Variants in COX10 observed in about 807,000 individuals in gnomAD.
COX10 encodes the protein protoheme IX farnesyltransferase, mitochondrial.
COX10 carries 27 observed loss-of-function variants against 37.3 expected under a neutral mutation model. That is an observed-to-expected ratio of 0.72 (90% CI 0.53 to 1.00). The LOEUF is 1.00. Ranked by LOEUF, COX10 falls within the 50% of genes least tolerant of loss-of-function variation. COX10 has a pLI of 0.00. For missense variants in COX10, 475 were observed against 563.2 expected, an observed-to-expected ratio of 0.84 and a Z score of 1.59; for synonymous variants, 222 against 229.1, an observed-to-expected ratio of 0.97 and a Z score of 0.28.
rs532498907 is a variant in COX10, at chr17:14,089,105, G to C, written c.499+12049G>C. On this transcript the variant is annotated intron_variant, in intron 3 of 6. Coordinates refer to ENST00000261643, the MANE Select transcript of COX10 (RefSeq NM_001303.4). ...GCCCAAATATCTTAAATTCAGCCTAGTCAACTCTGCCAGTAGCCAACTTCT... is the reference window on the plus strand; with the variant it reads ...GCCCAAATATCTTAAATTCAGCCTACTCAACTCTGCCAGTAGCCAACTTCT... 2.6e-5 allele frequency among the ~76,000 whole-genome samples: 4 copies of C among 152,260 alleles called. No homozygotes were observed. In the South Asian group the frequency reaches 8.3e-4, roughly 32 times the overall value.
At chr17:14,174,363 G>T (rs1175331667) in intron 5 of COX10, among the ~76,000 whole-genome samples, 1 of 151,358 alleles carries the variant, frequency 6.6e-6, no homozygotes, top group African/African-American at 2.4e-5. Flanking sequence ...GGAGGCTGAG[G>T]AGGGAGGATC....
intron 1 of COX10, among the ~76,000 whole-genome samples, chr17:14,071,629 A>G (rs1020660679): frequency 2.0e-5 from 3 of 151,620 alleles, no homozygotes; most frequent in African/African-American, 4.9e-5. Context: ...TACACCTGTA[A>G]TCCCAGAACT....
At chr17:14,137,616 C>T (rs1006265942) in intron 4 of COX10, among the ~76,000 whole-genome samples, 1 of 151,806 alleles carries the variant, frequency 6.6e-6, no homozygotes, top group Non-Finnish European at 1.5e-5. Flanking sequence ...ATATTTAATG[C>T]TTTCATACAC....
chr17:14,122,524 AT>A (rs201532405), intron 4 of COX10, among the ~76,000 whole-genome samples: 1 of 151,752 alleles, frequency 6.6e-6, no homozygotes, highest in East Asian at 1.9e-4. Flanking sequence ...CTGGTGAGAG[AT>A]TTTTTTTTCT....
At chr17:14,081,734 A>G (rs1213441323) in intron 3 of COX10, among the ~76,000 whole-genome samples, 1 of 152,228 alleles carries the variant, frequency 6.6e-6, no homozygotes, top group Admixed American at 6.5e-5. Flanking sequence ...ATGACATACA[A>G]GTGCCTAGTA....
At chr17:14,187,356 G>T (rs1372238663) in intron 5 of COX10, among the ~76,000 whole-genome samples, 2 of 152,132 alleles carry the variant, frequency 1.3e-5, no homozygotes, top group African/African-American at 4.8e-5. Context: ...AAGTATATTG[G>T]TTGAATTAAT....
chr17:14,175,535 C>T (rs1905659626), intron 5 of COX10, among the ~76,000 whole-genome samples: 1 of 151,548 alleles, frequency 6.6e-6, no homozygotes, highest in East Asian at 2.0e-4. Context: ...CTGCTGTCAT[C>T]ATTGTTACTA....
intron 4 of COX10, among the ~76,000 whole-genome samples, chr17:14,154,599 G>A (rs1254733769): frequency 6.6e-6 from 1 of 152,174 alleles, no homozygotes; most frequent in Admixed American, 6.5e-5. Flanking sequence ...TTTGAACTTA[G>A]TTTTAAGAGG....
chr17:14,189,255 A>G (rs927060876), intron 5 of COX10, among the ~76,000 whole-genome samples: 3 of 152,074 alleles, frequency 2.0e-5, no homozygotes, highest in African/African-American at 4.8e-5. Flanking sequence ...AGCTAAACCA[A>G]TTGAGACGTC....
intron 4 of COX10, among the ~76,000 whole-genome samples, chr17:14,153,522 A>G (rs1904960059): frequency 6.6e-6 from 1 of 152,220 alleles, no homozygotes; most frequent in South Asian, 2.1e-4. Flanking sequence ...AACTGATCAC[A>G]GGGTCATTGC....
intron 3 of COX10, among the ~76,000 whole-genome samples, chr17:14,095,232 A>G (rs934710283): frequency 6.6e-6 from 1 of 152,234 alleles, no homozygotes; most frequent in African/African-American, 2.4e-5. Context: ...AAATTAGACT[A>G]GTTGACCCTA....
At position 14,159,961 on chromosome 17, in the gene COX10, T is replaced by A. The variant is rs1185422991; in HGVS notation, c.695+14T>A. On this transcript the variant is annotated intron_variant, in intron 5 of 6. Transcript: ENST00000261643. The stretch of plus-strand genomic sequence containing the variant: ...TGGACAGATCAGGTAAAATCACGAA[T>A]ACAAGTGTCTTCCACATTATAAAAC... 6.2e-7 allele frequency: 1 copy of A among 1,603,934 alleles called. No individual in the cohort carries two copies. Among genetic ancestry groups the A allele is most frequent in the Non-Finnish European group, 8.5e-7 (1 of 1,172,694 alleles).
intron 4 of COX10, among the ~76,000 whole-genome samples, chr17:14,126,892 ATGAGCATTAC>A (rs1916353592): frequency 1.3e-5 from 2 of 152,138 alleles, no homozygotes; most frequent in African/African-American, 4.8e-5. Context: ...ATTAATCAGT[ATGAGCATTAC>A]TGAAATATGC....
chr17:14,202,008 G>T (rs1263340292), intron 6 of COX10, among the ~76,000 whole-genome samples: 5 of 151,736 alleles, frequency 3.3e-5, no homozygotes, highest in Non-Finnish European at 5.9e-5. Flanking sequence ...CCTTTCCTCT[G>T]TCCTTTTTAA....
chr17:14,099,436 A>G (rs1383225632), intron 3 of COX10, among the ~76,000 whole-genome samples: 1 of 152,118 alleles, frequency 6.6e-6, no homozygotes, highest in African/African-American at 2.4e-5. Context: ...TAAGTTGCTG[A>G]TAAGACTAGA....
At chr17:14,200,030 A>G (rs975510075) in intron 6 of COX10, among the ~76,000 whole-genome samples, 1 of 152,144 alleles carries the variant, frequency 6.6e-6, no homozygotes, top group African/African-American at 2.4e-5. Flanking sequence ...ACCAAGGTTC[A>G]CTGGAGCTAG....
At chr17:14,135,558 A>G (rs1035037545) in intron 4 of COX10, among the ~76,000 whole-genome samples, 2 of 151,926 alleles carry the variant, frequency 1.3e-5, no homozygotes, top group Non-Finnish European at 2.9e-5. Flanking sequence ...TTTGATGCAG[A>G]TGAACCCTGA....
chr17:14,178,964 C>T (rs987833714), intron 5 of COX10, among the ~76,000 whole-genome samples: 2 of 152,278 alleles, frequency 1.3e-5, no homozygotes, highest in Non-Finnish European at 2.9e-5. Flanking sequence ...GCAGCTTCCA[C>T]GGGACTTTAC....
chr17:14,147,056 T>G (rs576324356), intron 4 of COX10, among the ~76,000 whole-genome samples: 15 of 152,262 alleles, frequency 9.9e-5, no homozygotes, highest in African/African-American at 2.6e-4. Context: ...GAATGTGAAT[T>G]ATTAGTAGAC....
Sources: allele counts gnomAD v4.1 joint callset (sites outside exome capture counted in the v4.1 genomes callset), GRCh38; gene constraint gnomAD v4.1.1; transcripts MANE v1.5; gene names NCBI Gene and HGNC (gene_info 2026-07-23, HGNC 2026-07-21).